Variants in SBNO1 observed in about 807,000 individuals in gnomAD.
SBNO1 encodes strawberry notch homolog 1.
SBNO1 carries 23 observed loss-of-function variants against 173.6 expected under a neutral mutation model. That is an observed-to-expected ratio of 0.13 (90% CI 0.10 to 0.19). SBNO1 has a LOEUF of 0.19. Ranked by LOEUF, SBNO1 falls within the 10% of genes least tolerant of loss-of-function variation. The pLI, the probability that SBNO1 is intolerant of heterozygous loss-of-function variation, is 1.00. For synonymous variants in SBNO1, 632 were observed against 571.5 expected (o/e 1.11, Z -1.51); for missense variants, 1,238 against 1,671.2 (o/e 0.74, Z 4.52).
chr12:123,363,168 A>G (rs977681492), intron 1 of SBNO1, among the ~76,000 whole-genome samples: 18 of 152,250 alleles, frequency 1.2e-4, no homozygotes, highest in African/African-American at 2.9e-4. Context: ...GAAGCCAGAG[A>G]AAAAAAGTAA....
rs1036760796 is a variant in SBNO1, at chr12:123,292,781, G to A, written c.*3127C>T. 2.0e-5 allele frequency: 3 copies of A among 152,196 alleles called. No individual in the cohort carries two copies. Among genetic ancestry groups the A allele is most frequent in the Admixed American group, 1.3e-4 (2 of 15,280 alleles). 9.4% of individuals were successfully genotyped at this position (152,196 alleles called of 1,614,324 possible). Reference sequence around the variant, plus strand: ...AATTTATATACACATGTAAAGAGAAGATACTGAAGTGTCTAACTGTAATTT... The same window carrying A: ...AATTTATATACACATGTAAAGAGAAAATACTGAAGTGTCTAACTGTAATTT... On this transcript the variant is annotated 3_prime_UTR_variant, in exon 32 of 32. Coordinates refer to ENST00000602398, the MANE Select transcript of SBNO1 (RefSeq NM_001167856.3).
intron 1 of SBNO1, among the ~76,000 whole-genome samples, chr12:123,356,158 C>A (rs942831546): frequency 1.3e-5 from 2 of 152,124 alleles, no homozygotes; most frequent in African/African-American, 4.8e-5. Context: ...GCATTGCCCA[C>A]TAGTAGTATG....
intron 5 of SBNO1, among the ~76,000 whole-genome samples, chr12:123,338,905 C>T (rs964885752): frequency 1.2e-4 from 1 of 8,080 alleles, no homozygotes. Context: ...CACACACACA[C>T]ACACACGCCC....
At chr12:123,362,082 G>A (rs932276368) in intron 1 of SBNO1, among the ~76,000 whole-genome samples, 1 of 151,452 alleles carries the variant, frequency 6.6e-6, no homozygotes, top group African/African-American at 2.4e-5. Flanking sequence ...GAGGAATGCA[G>A]TGAGCCAAGG....
intron 20 of SBNO1, among the ~76,000 whole-genome samples, chr12:123,317,850 T>TA (rs1284736367): frequency 7.9e-5 from 12 of 152,242 alleles, no homozygotes; most frequent in Non-Finnish European, 1.2e-4. Flanking sequence ...CAACCAAAAC[T>TA]AATTCCAACT....
chr12:123,363,662 T>C (rs1875675723), intron 1 of SBNO1, among the ~76,000 whole-genome samples: 1 of 152,130 alleles, frequency 6.6e-6, no homozygotes, highest in Non-Finnish European at 1.5e-5. Context: ...GATAAAAACG[T>C]TGCTTTATTT....
chr12:123,332,368 C>T (rs993789157), intron 7 of SBNO1, among the ~76,000 whole-genome samples: 4 of 151,596 alleles, frequency 2.6e-5, no homozygotes, highest in Non-Finnish European at 4.4e-5. Flanking sequence ...CTCGGCTCAC[C>T]GCAACCTCCG....
At chr12:123,343,009 A>C (rs1872735250) in intron 4 of SBNO1, among the ~76,000 whole-genome samples, 1 of 152,180 alleles carries the variant, frequency 6.6e-6, no homozygotes, top group African/African-American at 2.4e-5. Flanking sequence ...TGGGAGGCCG[A>C]GGTGGGCTGA....
intron 1 of SBNO1, among the ~76,000 whole-genome samples, chr12:123,362,032 G>A (rs1289795578): frequency 6.6e-6 from 1 of 151,808 alleles, no homozygotes; most frequent in Non-Finnish European, 1.5e-5. Context: ...CCAGCTATTT[G>A]GGAGGCTGAG....
chr12:123,346,148 G>C (rs915410498), intron 3 of SBNO1, among the ~76,000 whole-genome samples: 6 of 152,178 alleles, frequency 3.9e-5, no homozygotes, highest in African/African-American at 1.4e-4. Context: ...AGGCACAGTG[G>C]TGTGCACCTG....
chr12:123,351,231 TCACCTACAGCCCTGTA>T (rs1411064511), intron 1 of SBNO1, among the ~76,000 whole-genome samples: 1 of 152,098 alleles, frequency 6.6e-6, no homozygotes, highest in Non-Finnish European at 1.5e-5. Flanking sequence ...GGTGAAGGTA[TCACCTACAGCCCTGTA>T]CACCATGCTG....
chr12:123,299,706 A>AAAAAAAAAAAG (rs2048723994), intron 30 of SBNO1, among the ~76,000 whole-genome samples: 1 of 151,468 alleles, frequency 6.6e-6, no homozygotes, highest in Non-Finnish European at 1.5e-5. Flanking sequence ...AAAACAAAAA[A>AAAAAAAAAAAG]GCCAAGTGTG....
intron 24 of SBNO1, among the ~76,000 whole-genome samples, chr12:123,311,705 T>TATC (rs1555246181): frequency 1.6e-5 from 1 of 61,972 alleles, no homozygotes; most frequent in Non-Finnish European, 3.7e-5. Flanking sequence ...TCTATCTATC[T>TATC]ATCTATCTAT....
In SBNO1 at chr12:123,325,612, G is replaced by GA. The variant is rs780678216; in HGVS notation, c.1876-14dup. ...CAATTACAACACACTGGAGAAAAAA[G>GA]AAAACATGTTAATTATGAATAATAA... On this transcript the variant is annotated splice_polypyrimidine_tract_variant and intron_variant, in intron 14 of 31. Coordinates refer to ENST00000602398, the MANE Select transcript of SBNO1 (RefSeq NM_001167856.3). 8.7e-6 allele frequency: 13 copies of GA among 1,492,718 alleles called. No individual in the cohort carries two copies. In the Middle Eastern group the frequency reaches 5.2e-4, roughly 60 times the overall value. The allele number at this position is 1,492,718 out of a possible 1,614,324, so 92.5% of individuals were successfully genotyped here. A position where few individuals can be genotyped will look rare whatever the true frequency, so the allele number is the denominator to read the frequency against.
intron 14 of SBNO1, 32 bp downstream of exon 14, chr12:123,326,120 C>CT: frequency 1.3e-6 from 2 of 1,520,966 alleles, no homozygotes; most frequent in South Asian, 1.3e-5. Context: ...ACATAACCCC[C>CT]AAACAATCTC....
chr12:123,362,305 G>A (rs542281621), intron 1 of SBNO1, among the ~76,000 whole-genome samples: 15 of 151,094 alleles, frequency 9.9e-5, no homozygotes, highest in Non-Finnish European at 1.6e-4. Flanking sequence ...GCGTGGCAGC[G>A]GGCACCTGTA....
intron 31 of SBNO1, among the ~76,000 whole-genome samples, chr12:123,297,087 C>T (rs903223668): frequency 5.3e-5 from 8 of 150,740 alleles, no homozygotes; most frequent in African/African-American, 1.2e-4. Context: ...AGGCTGGGCT[C>T]GGTGGCTCAC....
chr12:123,350,071 T>C (rs1054124956), intron 2 of SBNO1, among the ~76,000 whole-genome samples: 1 of 151,980 alleles, frequency 6.6e-6, no homozygotes, highest in Non-Finnish European at 1.5e-5. Context: ...CTGGGCAACA[T>C]GGCAAACCCT....
intron 1 of SBNO1, among the ~76,000 whole-genome samples, chr12:123,357,609 CGGGTGCCT>C: frequency 1.2e-3 from 1 of 830 alleles, no homozygotes; most frequent in East Asian, 2.9e-3. Flanking sequence ...GGCATGGTGG[CGGGTGCCT>C]GGTGGCGGGT....
Sources: gnomAD v4.1 joint callset for allele counts (sites outside exome capture counted in the v4.1 genomes callset) on GRCh38, gnomAD v4.1.1 for gene constraint, MANE v1.5 for transcripts, NCBI Gene and HGNC (gene_info 2026-07-23, HGNC 2026-07-21) for gene names.